The following ZNF521 variants were observed in gnomAD, a reference collection of about 807,000 sequenced individuals.
ZNF521 encodes the protein zinc finger protein 521.
In ZNF521, 14 loss-of-function variants were observed where a neutral mutation model predicts 105.5. The ratio of observed to expected loss-of-function variants is 0.13; its 90% CI spans 0.09 to 0.21. The LOEUF is 0.21. Ranked by LOEUF, ZNF521 falls within the 10% of genes least tolerant of loss-of-function variation. The pLI, the probability that ZNF521 is intolerant of heterozygous loss-of-function variation, is 1.00. For synonymous variants in ZNF521, 635 were observed against 606.0 expected (o/e 1.05, Z -0.70); for missense variants, 1,233 against 1,629.7 (o/e 0.76, Z 4.19).
chr18:25,174,977 G>A (rs762089943), intron 5 of ZNF521, among the ~76,000 whole-genome samples: 1 of 152,066 alleles, frequency 6.6e-6, no homozygotes, highest in South Asian at 2.1e-4. Context: ...CATGACCAAG[G>A]TCCAGCGGTA....
At chr18:25,255,964 A>G (rs994393417) in intron 3 of ZNF521, among the ~76,000 whole-genome samples, 2 of 125,554 alleles carry the variant, frequency 1.6e-5, no homozygotes, top group African/African-American at 3.2e-5. Flanking sequence ...TATATATCGT[A>G]TATATATATG....
intron 5 of ZNF521, among the ~76,000 whole-genome samples, chr18:25,120,587 A>AAACAAAC (rs1567970514): frequency 6.4e-5 from 1 of 15,640 alleles, no homozygotes. Context: ...CCATCTAAAA[A>AAACAAAC]AAAAAAAAAA....
chr18:25,147,115 C>T (rs2034959308), intron 5 of ZNF521, among the ~76,000 whole-genome samples: 1 of 152,038 alleles, frequency 6.6e-6, no homozygotes. Flanking sequence ...AACAATGCAT[C>T]CCAGCTCACA....
At chr18:25,195,674 GTAATACGGCTAATAAGT>G (rs1047938743) in intron 4 of ZNF521, among the ~76,000 whole-genome samples, 3 of 151,646 alleles carry the variant, frequency 2.0e-5, no homozygotes, top group African/African-American at 7.3e-5. Context: ...ATATCCATAA[GTAATACGGCTAATAAGT>G]TAAGATTCAT....
intron 3 of ZNF521, among the ~76,000 whole-genome samples, chr18:25,232,457 C>A (rs750348551): frequency 2.6e-5 from 4 of 152,198 alleles, no homozygotes; most frequent in Non-Finnish European, 4.4e-5. Flanking sequence ...TTAATATTTT[C>A]TTTCCTTTAA....
chr18:25,226,707 G>C lies in ZNF521; in HGVS notation c.1211C>G (p.Thr404Ser), dbSNP rs1295720185. Residue 404 changes from threonine to serine, a missense_variant, in exon 4 of 8, where the codon ACC becomes AGC. Transcript: ENST00000361524. This position sits in a 1 kb window ranked among gnomAD's most constrained non-coding sequence, Gnocchi z 4.1. ...TTTGTTGCAGTAAATACAGCTGTAG[G>C]TAACTTTTGCTTGTTTACTCGAGGG... is the stretch of plus-strand genomic sequence containing the variant. ...TGPSSKQAKV[T>S]YSCIYCNKQL... The C allele has an allele frequency of 6.2e-7, 1 of 1,614,184 alleles. No homozygotes were observed. Among genetic ancestry groups the C allele is most frequent in the Non-Finnish European group, 8.5e-7 (1 of 1,180,032 alleles).
chr18:25,281,049 G>A (rs1910345221), intron 3 of ZNF521, among the ~76,000 whole-genome samples: 3 of 152,196 alleles, frequency 2.0e-5, no homozygotes, highest in Admixed American at 6.5e-5. Flanking sequence ...TCCCAGTTGT[G>A]AAATTTCTCT....
intron 2 of ZNF521, among the ~76,000 whole-genome samples, chr18:25,339,331 T>C (rs1914072092): frequency 6.6e-6 from 1 of 152,260 alleles, no homozygotes; most frequent in African/African-American, 2.4e-5. Flanking sequence ...TTAGAATGCA[T>C]GACCATGTTC....
chr18:25,087,865 ATTCT>A (rs149379716), intron 7 of ZNF521, among the ~76,000 whole-genome samples: 2,126 of 152,322 alleles, frequency 0.014, 57 homozygotes, highest in African/African-American at 0.049. Context: ...GGGCTCAAGC[ATTCT>A]TTCTTATATT....
chr18:25,219,935 C>A (rs1240748561), intron 4 of ZNF521, among the ~76,000 whole-genome samples: 1 of 152,214 alleles, frequency 6.6e-6, no homozygotes, highest in African/African-American at 2.4e-5. Flanking sequence ...CACGTAACCA[C>A]CACAGGCATC....
At chr18:25,162,976 T>C (rs1277016600) in intron 5 of ZNF521, among the ~76,000 whole-genome samples, 1 of 152,188 alleles carries the variant, frequency 6.6e-6, no homozygotes, top group African/African-American at 2.4e-5. Flanking sequence ...AAGATCAACA[T>C]AAAATGGCAC....
intron 3 of ZNF521, among the ~76,000 whole-genome samples, chr18:25,306,638 C>T (rs1911994818): frequency 6.6e-6 from 1 of 152,056 alleles, no homozygotes; most frequent in Non-Finnish European, 1.5e-5. Flanking sequence ...CCTGCCTTTA[C>T]AGATAAGATT....
At chr18:25,327,341 C>T (rs953237298) in intron 2 of ZNF521, 4 of 782,266 alleles carry the variant, frequency 5.1e-6, no homozygotes, top group Admixed American at 1.1e-4. Context: ...GGTTAACAAC[C>T]ATCTTGTACT....
At position 25,304,736 on chromosome 18, in the gene ZNF521, C is replaced by T. The variant is rs139980822; in HGVS notation, c.220+17272G>A. ...GCCTCTTCCACAAGACCTCTCCTAT[C>T]AGCTCCTGTGAACATTTGCCACTCC... is the stretch of plus-strand genomic sequence containing the variant. On this transcript the variant is annotated intron_variant, in intron 3 of 7. Coordinates refer to ENST00000361524, the MANE Select transcript of ZNF521 (RefSeq NM_015461.3). 6.6e-4 allele frequency among the ~76,000 whole-genome samples: 101 copies of T among 152,340 alleles called. 1 individual carries two copies. Among genetic ancestry groups the T allele is most frequent in the Non-Finnish European group, 1.1e-3 (78 of 68,036 alleles).
chr18:25,177,859 C>A (rs1240863157), intron 5 of ZNF521, among the ~76,000 whole-genome samples: 1 of 152,170 alleles, frequency 6.6e-6, no homozygotes, highest in African/African-American at 2.4e-5. Context: ...TTTTTACTGG[C>A]CATTGTTCCT....
intron 5 of ZNF521, among the ~76,000 whole-genome samples, chr18:25,093,116 A>G (rs896084626): frequency 6.6e-6 from 1 of 152,086 alleles, no homozygotes; most frequent in African/African-American, 2.4e-5. Flanking sequence ...TACAGATGAG[A>G]AAAATGAGGC....
intron 3 of ZNF521, among the ~76,000 whole-genome samples, chr18:25,266,842 C>G (rs1350944055): frequency 6.6e-6 from 1 of 152,222 alleles, no homozygotes; most frequent in Non-Finnish European, 1.5e-5. Flanking sequence ...TGGGCAGACA[C>G]TGAGCTAGCT....
At chr18:25,074,781 C>T (rs1246188243) in intron 7 of ZNF521, among the ~76,000 whole-genome samples, 3 of 152,068 alleles carry the variant, frequency 2.0e-5, no homozygotes, top group Non-Finnish European at 4.4e-5. Context: ...TTCCTGGGCA[C>T]CTTTTCTGGC....
At chr18:25,216,254 A>G (rs45455500) in intron 4 of ZNF521, among the ~76,000 whole-genome samples, 1,784 of 152,338 alleles carry the variant, frequency 0.012, 16 homozygotes, top group Non-Finnish European at 0.018. Context: ...TACAAAAACC[A>G]TAAAAAATAT....
Sources: gnomAD v4.1 joint callset for allele counts (sites outside exome capture counted in the v4.1 genomes callset) on GRCh38, gnomAD v4.1.1 for gene constraint, Gnocchi (gnomAD v3.1) non-coding constraint, MANE v1.5 for transcripts, NCBI Gene and HGNC (gene_info 2026-07-23, HGNC 2026-07-21) for gene names.